The following DYNC1I1 variants were observed in gnomAD, a reference collection of about 807,000 sequenced individuals.
DYNC1I1 encodes cytoplasmic dynein 1 intermediate chain 1.
DYNC1I1 carries 43 observed loss-of-function variants against 86.6 expected under a neutral mutation model. That is an observed-to-expected ratio of 0.50 (90% CI 0.39 to 0.64). DYNC1I1 has a LOEUF of 0.64. Ranked by LOEUF, DYNC1I1 falls within the 30% of genes least tolerant of loss-of-function variation. The probability of loss-of-function intolerance (pLI) is 0.00; values close to 1 mark genes in which losing one functional copy is unlikely to be tolerated. For missense variants in DYNC1I1, 604 were observed against 788.8 expected, an observed-to-expected ratio of 0.77 and a Z score of 2.81; for synonymous variants, 262 against 283.7, an observed-to-expected ratio of 0.92 and a Z score of 0.77.
intron 16 of DYNC1I1, 21 bp downstream of exon 16, chr7:96,080,509 T>C: frequency 1.2e-6 from 2 of 1,614,154 alleles, no homozygotes; most frequent in African/African-American, 1.3e-5. Flanking sequence ...ATTTGTGTTG[T>C]TGTTACTGTT....
intron 10 of DYNC1I1, among the ~76,000 whole-genome samples, chr7:95,998,589 T>G (rs1166083962): frequency 6.6e-6 from 1 of 152,254 alleles, no homozygotes; most frequent in Non-Finnish European, 1.5e-5. Flanking sequence ...TCACGTCGTT[T>G]GAATGTGCTT....
At chr7:95,790,666 C>T (rs151326121) in intron 1 of DYNC1I1, among the ~76,000 whole-genome samples, 2 of 151,928 alleles carry the variant, frequency 1.3e-5, no homozygotes, top group Non-Finnish European at 2.9e-5. Flanking sequence ...GTGACTATGG[C>T]GAAGAAAGAA....
intron 9 of DYNC1I1, 123 bp from the exon 10 acceptor site, chr7:95,995,825 T>A: frequency 7.4e-7 from 1 of 1,357,010 alleles, no homozygotes; most frequent in Non-Finnish European, 9.9e-7. Context: ...ATAGTAGGTA[T>A]GCCACAACAT....
intron 6 of DYNC1I1, among the ~76,000 whole-genome samples, chr7:95,923,322 T>C (rs949495973): frequency 6.6e-6 from 1 of 152,104 alleles, no homozygotes; most frequent in East Asian, 1.9e-4. Context: ...CATTAGGACA[T>C]AGTTAATAAA....
intron 5 of DYNC1I1, among the ~76,000 whole-genome samples, chr7:95,868,563 T>C (rs1172702852): frequency 6.6e-6 from 1 of 152,086 alleles, no homozygotes; most frequent in African/African-American, 2.4e-5. Context: ...TACCTTTTTT[T>C]TCTTTTTCTC....
chr7:95,879,273 T>G (rs532118630), intron 6 of DYNC1I1, among the ~76,000 whole-genome samples: 12 of 152,328 alleles, frequency 7.9e-5, no homozygotes, highest in Non-Finnish European at 1.6e-4. Flanking sequence ...ATACCAATAA[T>G]TGTATTATTC....
chr7:96,002,330 C>T (rs1794032057), intron 10 of DYNC1I1, among the ~76,000 whole-genome samples: 1 of 152,128 alleles, frequency 6.6e-6, no homozygotes, highest in African/African-American at 2.4e-5. Context: ...GTTCTCTCAT[C>T]CCAACTATTT....
At chr7:95,902,540 C>T (rs1791065919) in intron 6 of DYNC1I1, among the ~76,000 whole-genome samples, 2 of 152,288 alleles carry the variant, frequency 1.3e-5, no homozygotes, top group Admixed American at 1.3e-4. Context: ...ATAATAGGTG[C>T]ATATTATAAG....
intron 6 of DYNC1I1, among the ~76,000 whole-genome samples, chr7:95,901,222 GC>G (rs1485206403): frequency 1.3e-5 from 2 of 152,158 alleles, no homozygotes; most frequent in Non-Finnish European, 2.9e-5. Context: ...ATTGACTAGT[GC>G]CCAGTTAGGT....
At chr7:96,066,409 C>T (rs1789989532) in intron 14 of DYNC1I1, among the ~76,000 whole-genome samples, 1 of 152,216 alleles carries the variant, frequency 6.6e-6, no homozygotes, top group African/African-American at 2.4e-5. Context: ...TAGCACCTGG[C>T]TACATACTTG....
chr7:96,050,605 C>A (rs1028938447), intron 14 of DYNC1I1, among the ~76,000 whole-genome samples: 1 of 151,984 alleles, frequency 6.6e-6, no homozygotes, highest in African/African-American at 2.4e-5. Flanking sequence ...TAAACAATAC[C>A]CTTTCCCATT....
chr7:95,850,513 A>C (rs897832904), intron 5 of DYNC1I1, among the ~76,000 whole-genome samples: 2 of 140,536 alleles, frequency 1.4e-5, no homozygotes, highest in Non-Finnish European at 3.3e-5. Flanking sequence ...TGTGGAGGAT[A>C]TGTTTCAAGA....
At chr7:95,817,903 G>A (rs988322643) in intron 4 of DYNC1I1, among the ~76,000 whole-genome samples, 4 of 152,112 alleles carry the variant, frequency 2.6e-5, no homozygotes, top group East Asian at 1.9e-4. Flanking sequence ...CTTAGGGTTC[G>A]CAATGACAGA....
At chr7:95,804,437 G>T in intron 1 of DYNC1I1, 1 of 1,198,928 alleles carries the variant, frequency 8.3e-7, no homozygotes, top group Admixed American at 2.9e-5. Context: ...TAGAAAATGT[G>T]TTGCTTATCT....
intron 1 of DYNC1I1, among the ~76,000 whole-genome samples, chr7:95,773,340 A>C (rs1376564025): frequency 1.3e-5 from 2 of 152,184 alleles, no homozygotes; most frequent in African/African-American, 4.8e-5. Context: ...CTCTGCTGCG[A>C]AAAAGTGTGG....
intron 6 of DYNC1I1, among the ~76,000 whole-genome samples, chr7:95,962,640 A>G (rs960102351): frequency 6.6e-6 from 1 of 152,186 alleles, no homozygotes; most frequent in Non-Finnish European, 1.5e-5. Flanking sequence ...TGTTTCACAC[A>G]ACAATTCTGT....
Position 95,988,929 on chromosome 7 carries a change from C to G in DYNC1I1, c.843+1774C>G, listed in dbSNP as rs1793662257. Among the ~76,000 whole-genome samples the G allele has an allele frequency of 3.9e-5, 6 of 152,150 alleles. No homozygotes were observed. The South Asian group carries it at 1.2e-3, about 32-fold the overall frequency. On this transcript the variant is annotated intron_variant, in intron 9 of 16. Coordinates refer to ENST00000447467, the MANE Select transcript of DYNC1I1 (RefSeq NM_001135556.2). ...AGCTAAGTAACTTGCTGAAAAATCACTCAACTAGGGTATGGTATAGTGGGG... is the reference window on the plus strand; with the variant it reads ...AGCTAAGTAACTTGCTGAAAAATCAGTCAACTAGGGTATGGTATAGTGGGG...
intron 14 of DYNC1I1, among the ~76,000 whole-genome samples, chr7:96,048,493 C>T (rs2283012): frequency 0.28 from 43,067 of 151,980 alleles, 6,310 homozygotes; most frequent in African/African-American, 0.36. Context: ...TGGGCCCCAC[C>T]CCAGACCTTC....
At chr7:95,966,874 G>T (rs1046749161) in intron 6 of DYNC1I1, among the ~76,000 whole-genome samples, 1 of 152,224 alleles carries the variant, frequency 6.6e-6, no homozygotes, top group African/African-American at 2.4e-5. Flanking sequence ...CATAGTGGGT[G>T]CAGGGAGGCA....
Sources: allele counts gnomAD v4.1 joint callset (sites outside exome capture counted in the v4.1 genomes callset), GRCh38; gene constraint gnomAD v4.1.1; transcripts MANE v1.5; gene names NCBI Gene and HGNC (gene_info 2026-07-23, HGNC 2026-07-21).